The following POLR3B variants were observed in gnomAD, a reference collection of about 807,000 sequenced individuals.
POLR3B encodes the protein RNA polymerase III subunit B, also known as DNA-directed RNA polymerase III subunit RPC2.
In POLR3B, 96 loss-of-function variants were observed where a neutral mutation model predicts 147.4. The observed-to-expected ratio is 0.65, with a 90% confidence interval of 0.55 to 0.77. The LOEUF is 0.77. Ranked by LOEUF, POLR3B falls within the 30% of genes least tolerant of loss-of-function variation. The pLI is 0.00. For synonymous variants in POLR3B, 461 were observed against 485.9 expected (o/e 0.95, Z 0.67); for missense variants, 1,036 against 1,413.5 (o/e 0.73, Z 4.28).
At chr12:106,451,642 A>AGG (rs1593048777) in intron 19 of POLR3B, among the ~76,000 whole-genome samples, 2 of 38,576 alleles carry the variant, frequency 5.2e-5, no homozygotes, top group South Asian at 1.1e-3. Context: ...GCGGGGGGGG[A>AGG]GGAGAGGGGA....
chr12:106,404,469 G>T (rs2136930304), intron 10 of POLR3B, among the ~76,000 whole-genome samples: 1 of 152,270 alleles, frequency 6.6e-6, no homozygotes, highest in East Asian at 1.9e-4. Context: ...CCACTCTAAT[G>T]GGTGTATAGT....
chr12:106,413,664 T>G (rs2037260755), intron 12 of POLR3B, among the ~76,000 whole-genome samples: 1 of 152,060 alleles, frequency 6.6e-6, no homozygotes, highest in Non-Finnish European at 1.5e-5. Context: ...ATTTTTTTTT[T>G]GCTTGGTATG....
chr12:106,438,347 A>G (rs2037604822), intron 18 of POLR3B, among the ~76,000 whole-genome samples: 1 of 152,200 alleles, frequency 6.6e-6, no homozygotes, highest in South Asian at 2.1e-4. Flanking sequence ...GAAGAGTATT[A>G]CAAAGCAGCT....
chr12:106,408,175 A>G (rs1012881720), intron 11 of POLR3B, among the ~76,000 whole-genome samples: 1 of 152,254 alleles, frequency 6.6e-6, no homozygotes, highest in African/African-American at 2.4e-5. Context: ...TAGACGTATT[A>G]CATAAATAAG....
Position 106,409,354 on chromosome 12 carries a change from TG to T in POLR3B, c.967-1471del, listed in dbSNP as rs369357239. 4.7e-3 allele frequency among the ~76,000 whole-genome samples: 658 copies of T among 139,826 alleles called. 92 individuals carry two copies. The highest frequency in any genetic ancestry group is 9.5e-3 in the East Asian group (46 of 4,830). 91.7% of individuals were successfully genotyped at this position (139,826 alleles called of 152,430 possible). On this transcript the variant is annotated intron_variant, in intron 11 of 27. Coordinates refer to ENST00000228347, the MANE Select transcript of POLR3B (RefSeq NM_018082.6). The stretch of plus-strand genomic sequence containing the variant: ...GTTACGATTGTAAGAGGGTTTTTTT[TG>T]TTTTTTTTTTTTTTTTCTTGAGGAT...
intron 9 of POLR3B, among the ~76,000 whole-genome samples, chr12:106,382,857 CCTTTGAAG>C (rs2036782910): frequency 6.6e-6 from 1 of 152,172 alleles, no homozygotes; most frequent in Non-Finnish European, 1.5e-5. Flanking sequence ...ATCAGCCTGT[CCTTTGAAG>C]CTTTGAAGCC....
intron 9 of POLR3B, 73 bp downstream of exon 9, chr12:106,380,212 T>C: frequency 1.2e-6 from 1 of 854,114 alleles, no homozygotes; most frequent in East Asian, 2.5e-5. Flanking sequence ...AATTAGAGAT[T>C]TGGAGGGTAA....
chr12:106,478,060 C>T (rs891814713), intron 23 of POLR3B, among the ~76,000 whole-genome samples: 1 of 151,786 alleles, frequency 6.6e-6, no homozygotes, highest in Admixed American at 6.6e-5. Flanking sequence ...TGTGTACCAC[C>T]ATGTCTGGCT....
chr12:106,442,382 A>G (rs1035850390), intron 18 of POLR3B, among the ~76,000 whole-genome samples: 1 of 152,214 alleles, frequency 6.6e-6, no homozygotes, highest in Non-Finnish European at 1.5e-5. Flanking sequence ...TATTTAAAAG[A>G]AAATCTGTTT....
intron 22 of POLR3B, among the ~76,000 whole-genome samples, chr12:106,461,543 G>A (rs1020658157): frequency 6.6e-6 from 1 of 152,094 alleles, no homozygotes; most frequent in Non-Finnish European, 1.5e-5. Flanking sequence ...ATGTATAGTC[G>A]AACTTGCCAA....
chr12:106,372,424 G>A (rs1292629721), intron 6 of POLR3B, among the ~76,000 whole-genome samples: 4 of 144,852 alleles, frequency 2.8e-5, no homozygotes, highest in East Asian at 2.2e-4. Context: ...TGCAACCTCC[G>A]CCCCCCAGGT....
intron 24 of POLR3B, 144 bp downstream of exon 24, chr12:106,496,302 T>C (rs1408766022): frequency 1.4e-6 from 1 of 713,952 alleles, no homozygotes; most frequent in Non-Finnish European, 2.6e-6. Context: ...ATAAACAGGC[T>C]TCCAGCCCCT....
chr12:106,406,100 G>A (rs564789461), intron 11 of POLR3B, 124 bp downstream of exon 11: 1 of 951,070 alleles, frequency 1.1e-6, no homozygotes, highest in Non-Finnish European at 1.6e-6. Context: ...AAAGAGGACT[G>A]TACTGCCCCA....
Position 106,477,386 on chromosome 12 carries a change from C to T in POLR3B, c.2713+13766C>T, listed in dbSNP as rs1421802696. 1.6e-5 allele frequency among the ~76,000 whole-genome samples: 2 copies of T among 126,116 alleles called. 1 individual carries two copies. The highest frequency in any genetic ancestry group is 3.2e-5 in the Non-Finnish European group (2 of 61,708). 82.7% of individuals were successfully genotyped at this position (126,116 alleles called of 152,430 possible). ...GCAGGCCTCCTTGAGCTGTGGTGGGCTCCACCCAGTTCGAGCTTCCCGGCT... is the reference window on the plus strand; with the variant it reads ...GCAGGCCTCCTTGAGCTGTGGTGGGTTCCACCCAGTTCGAGCTTCCCGGCT... On this transcript the variant is annotated intron_variant, in intron 23 of 27. Coordinates refer to ENST00000228347, the MANE Select transcript of POLR3B (RefSeq NM_018082.6).
At chr12:106,425,305 G>A (rs2037421416) in intron 12 of POLR3B, among the ~76,000 whole-genome samples, 1 of 152,148 alleles carries the variant, frequency 6.6e-6, no homozygotes, top group Admixed American at 6.5e-5. Flanking sequence ...CCTAGGGAAA[G>A]ATGCTTCTCC....
At position 106,444,536 on chromosome 12, in the gene POLR3B, C is replaced by G; in HGVS notation, c.2029C>G (p.His677Asp). 6.2e-7 allele frequency: 1 copy of G among 1,613,890 alleles called. No individual in the cohort carries two copies. Among genetic ancestry groups the G allele is most frequent in the Non-Finnish European group, 8.5e-7 (1 of 1,179,860 alleles). ...TGCTGGACTTATCCCATACCCTCAC[C>G]ATAACCAGTCACCGAGAAACACTTA... The part of the protein sequence containing the change: ...VCAGLIPYPH[H>D]NQSPRNTYQC... The change falls in exon 19 of 28, where the codon CAT (histidine) becomes GAT (aspartate). Residue 677 changes from histidine (H) to aspartate (D), a missense_variant. By Grantham distance (81) the His-to-Asp change is moderately conservative (BLOSUM62 -1). This residue lies in a region of POLR3B where 5 missense variants were observed against 30.9 expected (regional missense o/e 0.16). Transcript: ENST00000228347.
intron 12 of POLR3B, among the ~76,000 whole-genome samples, chr12:106,416,303 A>G (rs1289522627): frequency 6.6e-6 from 1 of 152,222 alleles, no homozygotes; most frequent in Non-Finnish European, 1.5e-5. Flanking sequence ...AATTGCATAC[A>G]CACCACTATA....
intron 22 of POLR3B, among the ~76,000 whole-genome samples, chr12:106,460,262 A>G (rs562000723): frequency 1.3e-4 from 20 of 152,342 alleles, no homozygotes; most frequent in African/African-American, 3.4e-4. Context: ...GACCATGATC[A>G]TAATAGCATA....
chr12:106,509,569 T>A lies in POLR3B; in HGVS notation c.*20T>A. The A allele has an allele frequency of 6.2e-7, 1 of 1,605,136 alleles. No homozygotes were observed. Among genetic ancestry groups the A allele is most frequent in the Non-Finnish European group, 8.5e-7 (1 of 1,172,678 alleles). ...GAATGAGGATGGAAAAAATGATTAT[T>A]AAAGAGAACAAGTGATACATCCAAT... On this transcript the variant is annotated 3_prime_UTR_variant, in exon 28 of 28. Coordinates refer to ENST00000228347, the MANE Select transcript of POLR3B (RefSeq NM_018082.6).
Sources: allele counts gnomAD v4.1 joint callset (sites outside exome capture counted in the v4.1 genomes callset), GRCh38; gene constraint gnomAD v4.1.1; regional missense constraint gnomAD v4.1.1; transcripts MANE v1.5; gene names NCBI Gene and HGNC (gene_info 2026-07-23, HGNC 2026-07-21).